Variants in PSMC4 observed in about 807,000 individuals in gnomAD.
The protein encoded by PSMC4 is 26S proteasome regulatory subunit 6B.
PSMC4 carries 13 observed loss-of-function variants against 48.4 expected under a neutral mutation model. That is an observed-to-expected ratio of 0.27 (90% CI 0.18 to 0.43). The LOEUF (loss-of-function observed/expected upper bound fraction) is 0.43. Ranked by LOEUF, PSMC4 falls within the 20% of genes least tolerant of loss-of-function variation. PSMC4 has a pLI of 1.00. For synonymous variants in PSMC4, 202 were observed against 212.3 expected (o/e 0.95, Z 0.42); for missense variants, 262 against 555.9 (o/e 0.47, Z 5.32).
intron 3 of PSMC4, among the ~76,000 whole-genome samples, chr19:39,973,616 G>A (rs1362091789): frequency 6.7e-6 from 1 of 149,356 alleles, no homozygotes; most frequent in Non-Finnish European, 1.5e-5. Flanking sequence ...ACTGGGCCCT[G>A]ATAGGGACTC....
Position 39,974,683 on chromosome 19 carries a change from G to A in PSMC4, c.579+50G>A. 6.2e-7 allele frequency: 1 copy of A among 1,612,576 alleles called. No individual in the cohort carries two copies. Among genetic ancestry groups the A allele is most frequent in the South Asian group, 1.1e-5 (1 of 91,042 alleles). ...AGGGAGAGGCCCCATTGGGTCTGGG[G>A]TTGGAGGTGGAACCCCTGACTCCCA... On this transcript the variant is annotated intron_variant, in intron 5 of 10. Coordinates refer to ENST00000157812, the MANE Select transcript of PSMC4 (RefSeq NM_006503.4). The surrounding 1 kb of genome is among the most constrained non-coding windows in gnomAD (Gnocchi z 5.5).
chr19:39,977,620 G>C (rs1224870290), intron 6 of PSMC4, among the ~76,000 whole-genome samples: 2 of 152,000 alleles, frequency 1.3e-5, no homozygotes, highest in African/African-American at 4.8e-5. Context: ...AGGAGTTCGA[G>C]ACCAGCCTGG....
At chr19:39,979,648 C>T in intron 6 of PSMC4, 169 bp from the exon 7 acceptor site, 1 of 516,674 alleles carries the variant, frequency 1.9e-6, no homozygotes, top group Non-Finnish European at 3.1e-6. Flanking sequence ...GATGGCTATT[C>T]CTCAGGGCTG....
chr19:39,981,560 G>GA lies in PSMC4; in HGVS notation c.*256dup, dbSNP rs1971287106. 2.7e-6 allele frequency: 1 copy of GA among 367,524 alleles called. No homozygotes were observed. 22.8% of individuals were successfully genotyped at this position (367,524 alleles called of 1,614,324 possible). A position where few individuals can be genotyped will look rare whatever the true frequency, so the allele number is the denominator to read the frequency against. ...AGGTGCATGGCCTGGGTTGCAGCTT[G>GA]AGAGAACCAAAATATTCAAACCAGA... On this transcript the variant is annotated 3_prime_UTR_variant, in exon 11 of 11. Coordinates refer to ENST00000157812, the MANE Select transcript of PSMC4 (RefSeq NM_006503.4).
chr19:39,973,526 T>G (rs1210282012), intron 3 of PSMC4, among the ~76,000 whole-genome samples: 1 of 142,616 alleles, frequency 7.0e-6, no homozygotes, highest in Non-Finnish European at 1.5e-5. Flanking sequence ...GAGGTTGCAG[T>G]GAGCCGAGAT....
In PSMC4 at chr19:39,980,819, T is replaced by A; in HGVS notation, c.1143+102T>A. The A allele has an allele frequency of 8.6e-7, 1 of 1,168,936 alleles. No individual in the cohort carries two copies. Among genetic ancestry groups the A allele is most frequent in the Non-Finnish European group, 1.3e-6 (1 of 778,658 alleles). 72.4% of individuals were successfully genotyped at this position (1,168,936 alleles called of 1,614,324 possible). A position where few individuals can be genotyped will look rare whatever the true frequency, so the allele number is the denominator to read the frequency against. ...CCTGTCCCCTCATGGCTGCCCTGGG[T>A]CGTGGGCGCCATCTCTCTCTTCCTC... On this transcript the variant is annotated intron_variant, in intron 10 of 10. Transcript: ENST00000157812. The surrounding 1 kb of genome is among the most constrained non-coding windows in gnomAD (Gnocchi z 4.8).
In PSMC4 at chr19:39,974,475, G is replaced by A; in HGVS notation, c.469+35G>A. On this transcript the variant is annotated intron_variant, in intron 4 of 10. Coordinates refer to ENST00000157812, the MANE Select transcript of PSMC4 (RefSeq NM_006503.4). The surrounding 1 kb of genome is among the most constrained non-coding windows in gnomAD (Gnocchi z 5.5). ...GAGCCTGCAGCTGGGAGGGCCCCAT[G>A]GGGACCTTGAGGACCTGGCCAGGAG... 6.2e-7 allele frequency: 1 copy of A among 1,613,460 alleles called. No homozygotes were observed. The highest frequency in any genetic ancestry group is 8.5e-7 in the Non-Finnish European group (1 of 1,179,568).
Position 39,974,884 on chromosome 19 carries a change from C to G in PSMC4, c.673+56C>G, listed in dbSNP as rs1971173332. On this transcript the variant is annotated intron_variant, in intron 6 of 10. Coordinates refer to ENST00000157812, the MANE Select transcript of PSMC4 (RefSeq NM_006503.4). This position sits in a 1 kb window ranked among gnomAD's most constrained non-coding sequence, Gnocchi z 5.5. ...CATCTTCTGGCCTCTTCGCCTTGCT[C>G]CCTGCTCGCTCACTGGCACTGCACA... The G allele has an allele frequency of 1.3e-6, 2 of 1,499,768 alleles. No homozygotes were observed. Among genetic ancestry groups the G allele is most frequent in the Non-Finnish European group, 1.8e-6 (2 of 1,085,096 alleles). 92.9% of individuals were successfully genotyped at this position (1,499,768 alleles called of 1,614,324 possible). A position where few individuals can be genotyped will look rare whatever the true frequency, so the allele number is the denominator to read the frequency against.
chr19:39,976,756 G>T (rs189293233), intron 6 of PSMC4, among the ~76,000 whole-genome samples: 1 of 151,632 alleles, frequency 6.6e-6, no homozygotes. Flanking sequence ...TGATCCGCCC[G>T]CCTGGGCCTT....
intron 1 of PSMC4, among the ~76,000 whole-genome samples, chr19:39,971,883 T>C (rs1003424676): frequency 6.6e-6 from 1 of 151,980 alleles, no homozygotes; most frequent in South Asian, 2.1e-4. Context: ...AGATCCTAGT[T>C]GGGGGTTGTG....
intron 1 of PSMC4, among the ~76,000 whole-genome samples, chr19:39,971,614 T>C (rs1971103318): frequency 6.6e-6 from 1 of 152,116 alleles, no homozygotes; most frequent in Non-Finnish European, 1.5e-5. Context: ...CGGGGCTGAC[T>C]GATGTTCAGG....
Position 39,972,167 on chromosome 19 carries a change from G to C in PSMC4, c.58G>C (p.Val20Leu), listed in dbSNP as rs746609399. 6.2e-7 allele frequency: 1 copy of C among 1,613,934 alleles called. No individual in the cohort carries two copies. The highest frequency in any genetic ancestry group is 1.7e-5 in the Admixed American group (1 of 59,980). The change falls in exon 2 of 11, where the codon GTG (valine) becomes CTG (leucine). Residue 20 changes from valine to leucine, a missense_variant. Transcript: ENST00000157812. ...CTAGGATGAGATCCCAGCACTGTCC[G>C]TGTCCCGGCCCCAGACCGGCCTGTC... ...KAQDEIPALS[V>L]SRPQTGLSFL...
intron 10 of PSMC4, 81 bp from the exon 11 acceptor site, chr19:39,981,111 C>T: frequency 9.5e-7 from 1 of 1,053,028 alleles, no homozygotes; most frequent in South Asian, 1.3e-5. Flanking sequence ...TATACCTCAG[C>T]CTCCCAAAGT....
At position 39,981,384 on chromosome 19, in the gene PSMC4, T is replaced by G; in HGVS notation, c.*79T>G. 1.0e-6 allele frequency: 1 copy of G among 962,462 alleles called. No homozygotes were observed. 59.6% of individuals were successfully genotyped at this position (962,462 alleles called of 1,614,324 possible). Reference sequence around the variant, plus strand: ...CCAGCACCTCTGTCCCAAAACCTCATTCCCTTTTTTCTTTACCCAGGATTG... The same window carrying G: ...CCAGCACCTCTGTCCCAAAACCTCAGTCCCTTTTTTCTTTACCCAGGATTG... On this transcript the variant is annotated 3_prime_UTR_variant, in exon 11 of 11. Transcript: ENST00000157812.
chr19:39,979,579 G>GAC (rs889457930), intron 6 of PSMC4: 17 of 334,194 alleles, frequency 5.1e-5, no homozygotes, highest in Non-Finnish European at 9.1e-5. Flanking sequence ...AAAAAAAAGT[G>GAC]ACACATTTGT....
At chr19:39,976,785 A>G (rs1971207496) in intron 6 of PSMC4, among the ~76,000 whole-genome samples, 1 of 151,486 alleles carries the variant, frequency 6.6e-6, no homozygotes, top group South Asian at 2.1e-4. Flanking sequence ...CTGTGATTAC[A>G]GGCGTGAGCC....
At chr19:39,977,419 T>C (rs1485259973) in intron 6 of PSMC4, among the ~76,000 whole-genome samples, 1 of 152,042 alleles carries the variant, frequency 6.6e-6, no homozygotes, top group Non-Finnish European at 1.5e-5. Context: ...CTGAGTGAAT[T>C]GGGGTGGTTT....
Position 39,974,196 on chromosome 19 carries a change from G to A in PSMC4, c.323-98G>A. The A allele has an allele frequency of 6.7e-7, 1 of 1,491,088 alleles. No individual in the cohort carries two copies. Among genetic ancestry groups the A allele is most frequent in the Non-Finnish European group, 9.1e-7 (1 of 1,099,018 alleles). The allele number at this position is 1,491,088 out of a possible 1,614,324, so 92.4% of individuals were successfully genotyped here. ...GCCGAGAGGGGACCCCTCAGGGTCTGAACCAGAGATGTTGGGGTGTGGAGA... is the reference window on the plus strand; with the variant it reads ...GCCGAGAGGGGACCCCTCAGGGTCTAAACCAGAGATGTTGGGGTGTGGAGA... On this transcript the variant is annotated intron_variant, in intron 3 of 10. Transcript: ENST00000157812. This position sits in a 1 kb window ranked among gnomAD's most constrained non-coding sequence, Gnocchi z 5.5.
At chr19:39,976,216 G>T (rs1446154333) in intron 6 of PSMC4, among the ~76,000 whole-genome samples, 1 of 142,724 alleles carries the variant, frequency 7.0e-6, no homozygotes, top group Non-Finnish European at 1.5e-5. Flanking sequence ...CAGCCTGGGC[G>T]ACAAAGCAAG....
Sources: allele counts gnomAD v4.1 joint callset (sites outside exome capture counted in the v4.1 genomes callset), GRCh38; gene constraint gnomAD v4.1.1; non-coding constraint Gnocchi (gnomAD v3.1); transcripts MANE v1.5; gene names NCBI Gene and HGNC (gene_info 2026-07-23, HGNC 2026-07-21).